The following NKAIN3 variants were observed in gnomAD, a reference collection of about 807,000 sequenced individuals.
NKAIN3 encodes sodium/potassium transporting ATPase interacting 3, also known as sodium/potassium-transporting ATPase subunit beta-1-interacting protein 3.
Under a neutral mutation model 30.2 loss-of-function variants are expected in NKAIN3, and 25 were observed. The ratio of observed to expected loss-of-function variants is 0.83; its 90% CI spans 0.60 to 1.16. The LOEUF is 1.16. NKAIN3 is among the 50% of genes most tolerant of loss of function. NKAIN3 has a pLI of 0.00. For synonymous variants in NKAIN3, 91 were observed against 89.6 expected (o/e 1.02, Z -0.09); for missense variants, 225 against 254.1 (o/e 0.89, Z 0.78).
At chr8:62,526,047 A>G (rs754132718) in intron 1 of NKAIN3, among the ~76,000 whole-genome samples, 1 of 152,132 alleles carries the variant, frequency 6.6e-6, no homozygotes, top group Admixed American at 6.6e-5. Context: ...GGAAGATTGT[A>G]TCTGGTACAT....
At chr8:62,436,274 C>T (rs1005298796) in intron 1 of NKAIN3, among the ~76,000 whole-genome samples, 2 of 152,156 alleles carry the variant, frequency 1.3e-5, no homozygotes, top group African/African-American at 2.4e-5. Flanking sequence ...TTGTATTTTA[C>T]CGCAAATGTT....
chr8:62,256,327 G>T (rs1021954940), intron 1 of NKAIN3, among the ~76,000 whole-genome samples: 4 of 152,128 alleles, frequency 2.6e-5, no homozygotes, highest in African/African-American at 9.7e-5. Flanking sequence ...ATTGAGGTGG[G>T]AGGATTGCTT....
chr8:62,397,378 G>A, intron 1 of NKAIN3, among the ~76,000 whole-genome samples: 1 of 150,654 alleles, frequency 6.6e-6, no homozygotes, highest in African/African-American at 2.4e-5. Context: ...TTTCTATCTT[G>A]AAGTATGTAC....
intron 4 of NKAIN3, among the ~76,000 whole-genome samples, chr8:62,755,420 G>A (rs1045086916): frequency 2.0e-5 from 3 of 152,202 alleles, no homozygotes; most frequent in African/African-American, 7.2e-5. Flanking sequence ...TTGGCAAATA[G>A]TTAAAAATGT....
At chr8:62,319,501 A>C (rs781392959) in intron 1 of NKAIN3, among the ~76,000 whole-genome samples, 1 of 151,422 alleles carries the variant, frequency 6.6e-6, no homozygotes, top group Non-Finnish European at 1.5e-5. Flanking sequence ...ACACTGCTTT[A>C]TATGTGTCCC....
chr8:62,261,449 T>C (rs1411502749), intron 1 of NKAIN3, among the ~76,000 whole-genome samples: 1 of 152,172 alleles, frequency 6.6e-6, no homozygotes, highest in Non-Finnish European at 1.5e-5. Flanking sequence ...TCTCTCACTA[T>C]GAGGGAAAGT....
At chr8:62,653,973 G>T (rs1223737497) in intron 3 of NKAIN3, among the ~76,000 whole-genome samples, 4 of 152,126 alleles carry the variant, frequency 2.6e-5, no homozygotes, top group African/African-American at 9.6e-5. Flanking sequence ...TATAATTCAA[G>T]GGATTACAGA....
intron 1 of NKAIN3, among the ~76,000 whole-genome samples, chr8:62,348,977 A>G (rs1459368971): frequency 1.3e-5 from 2 of 152,178 alleles, no homozygotes; most frequent in African/African-American, 4.8e-5. Context: ...GTTAGCAGAA[A>G]TGATGGTCCC....
intron 4 of NKAIN3, among the ~76,000 whole-genome samples, chr8:62,840,287 T>C (rs1310590704): frequency 6.6e-6 from 1 of 151,982 alleles, no homozygotes; most frequent in East Asian, 1.9e-4. Context: ...GTGTTTACAA[T>C]GCATATACCA....
chr8:62,781,026 T>G (rs1817339480), intron 4 of NKAIN3, among the ~76,000 whole-genome samples: 1 of 151,932 alleles, frequency 6.6e-6, no homozygotes, highest in Non-Finnish European at 1.5e-5. Context: ...CATTTTATAT[T>G]TAGAAAAACC....
chr8:62,379,709 T>C (rs1817207942), intron 1 of NKAIN3, among the ~76,000 whole-genome samples: 1 of 152,186 alleles, frequency 6.6e-6, no homozygotes, highest in African/African-American at 2.4e-5. Flanking sequence ...TATGCAGAAC[T>C]GTGAATCAAT....
chr8:62,433,543 C>T (rs982959323), intron 1 of NKAIN3, among the ~76,000 whole-genome samples: 3 of 152,094 alleles, frequency 2.0e-5, no homozygotes, highest in Non-Finnish European at 4.4e-5. Flanking sequence ...TCCACTGAGA[C>T]GGTTTTACAA....
chr8:62,306,378 A>G (rs952799975), intron 1 of NKAIN3, among the ~76,000 whole-genome samples: 18 of 150,432 alleles, frequency 1.2e-4, no homozygotes, highest in South Asian at 2.1e-4. Flanking sequence ...ACAATAAAAC[A>G]TTTCAGAAAG....
At chr8:62,321,921 C>T (rs1226226750) in intron 1 of NKAIN3, among the ~76,000 whole-genome samples, 1 of 152,176 alleles carries the variant, frequency 6.6e-6, no homozygotes, top group East Asian at 1.9e-4. Context: ...TGCCCTGCCC[C>T]CAGAGGTGGA....
At chr8:62,498,067 A>G (rs1585874073) in intron 1 of NKAIN3, among the ~76,000 whole-genome samples, 4 of 152,208 alleles carry the variant, frequency 2.6e-5, no homozygotes, top group Admixed American at 2.6e-4. Context: ...GTAGATCACC[A>G]TCACATCACA....
chr8:62,933,341 T>C (rs1359495271), intron 5 of NKAIN3, among the ~76,000 whole-genome samples: 1 of 152,170 alleles, frequency 6.6e-6, no homozygotes, highest in Non-Finnish European at 1.5e-5. Context: ...TAAAAAGGAA[T>C]TATGAAGAGA....
At chr8:62,803,046 T>C (rs1346029891) in intron 4 of NKAIN3, among the ~76,000 whole-genome samples, 1 of 152,122 alleles carries the variant, frequency 6.6e-6, no homozygotes, top group Non-Finnish European at 1.5e-5. Context: ...AAGGGATCAA[T>C]TCAACAAGAA....
intron 3 of NKAIN3, among the ~76,000 whole-genome samples, chr8:62,677,520 C>A (rs987689460): frequency 1.3e-5 from 2 of 152,340 alleles, no homozygotes; most frequent in African/African-American, 2.4e-5. Context: ...CATGACAAGG[C>A]CATGGGAGGC....
chr8:62,840,999 C>T (rs1186107068), intron 4 of NKAIN3, among the ~76,000 whole-genome samples: 1 of 152,110 alleles, frequency 6.6e-6, no homozygotes, highest in Admixed American at 6.6e-5. Context: ...ACATCTACTG[C>T]AGCCAGGTCT....
Sources: gnomAD v4.1 joint callset for allele counts (sites outside exome capture counted in the v4.1 genomes callset) on GRCh38, gnomAD v4.1.1 for gene constraint, MANE v1.5 for transcripts, NCBI Gene and HGNC (gene_info 2026-07-23, HGNC 2026-07-21) for gene names.